Variants in VPS53 observed in about 807,000 individuals in gnomAD.
VPS53 encodes VPS53 subunit of GARP complex.
In VPS53, 70 loss-of-function variants were observed where a neutral mutation model predicts 107.0. The observed-to-expected ratio is 0.65, with a 90% CI of 0.54 to 0.80. VPS53 has a LOEUF of 0.80. VPS53 is among the 30% of genes least tolerant of loss of function. The probability of loss-of-function intolerance (pLI) is 0.00; values close to 1 mark genes in which losing one functional copy is unlikely to be tolerated. For missense variants in VPS53, 917 were observed against 1,049.4 expected (o/e 0.87, Z 1.74); for synonymous variants, 409 against 393.3 (o/e 1.04, Z -0.47).
At chr17:665,089 A>G (rs1971624567) in intron 4 of VPS53, among the ~76,000 whole-genome samples, 1 of 152,152 alleles carries the variant, frequency 6.6e-6, no homozygotes, top group Non-Finnish European at 1.5e-5. Flanking sequence ...TGGTGTTGGC[A>G]GGTGGGGCCT....
intron 13 of VPS53, 24 bp downstream of exon 13, chr17:586,246 A>T: frequency 6.2e-7 from 1 of 1,609,808 alleles, no homozygotes; most frequent in Non-Finnish European, 8.5e-7. Context: ...TGCAGGCAGA[A>T]AACAGCGAAT....
At chr17:598,534 G>C (rs1010335268) in intron 12 of VPS53, among the ~76,000 whole-genome samples, 1 of 151,010 alleles carries the variant, frequency 6.6e-6, no homozygotes, top group African/African-American at 2.4e-5. Context: ...CTTCCCGGCC[G>C]CCATCACATC....
chr17:695,789 T>C (rs983219111), intron 4 of VPS53, among the ~76,000 whole-genome samples: 3 of 152,176 alleles, frequency 2.0e-5, no homozygotes, highest in Non-Finnish European at 4.4e-5. Flanking sequence ...TAGGCTCAAG[T>C]GATCTCCCCG....
At chr17:608,597 C>G (rs529090447) in intron 11 of VPS53, among the ~76,000 whole-genome samples, 1 of 149,968 alleles carries the variant, frequency 6.7e-6, no homozygotes, top group East Asian at 1.9e-4. Flanking sequence ...ATAGCTATTT[C>G]TGCTTTTTTC....
chr17:624,738 C>T (rs1401341363), intron 10 of VPS53, among the ~76,000 whole-genome samples: 1 of 152,122 alleles, frequency 6.6e-6, no homozygotes, highest in Non-Finnish European at 1.5e-5. Context: ...AGCTGGTTTG[C>T]AAGTCTGCTG....
At chr17:652,281 C>A (rs1373401506) in intron 7 of VPS53, among the ~76,000 whole-genome samples, 2 of 152,192 alleles carry the variant, frequency 1.3e-5, no homozygotes, top group African/African-American at 4.8e-5. Context: ...AGGTGTGAGC[C>A]ACCATACCCG....
rs1417049861 is a variant in VPS53 at position 541,948 on chromosome 17, C to G, written c.1867-4772G>C. Among the ~76,000 whole-genome samples, 8 of 150,202 alleles carry G rather than the reference C, an allele frequency of 5.3e-5. No individual in the cohort carries two copies. The South Asian group carries it at 1.5e-3, about 28-fold the overall frequency. ...AGGAACGTTTATCAAGCACCTACTACGCACCAGGCGCTGAAGGAATGTTTA... is the reference window on the plus strand; with the variant it reads ...AGGAACGTTTATCAAGCACCTACTAGGCACCAGGCGCTGAAGGAATGTTTA... On this transcript the variant is annotated intron_variant, in intron 17 of 21. Transcript: ENST00000437048.
chr17:553,574 C>G, intron 15 of VPS53, 112 bp from the exon 16 acceptor site: 1 of 553,110 alleles, frequency 1.8e-6, no homozygotes, highest in Non-Finnish European at 3.0e-6. Flanking sequence ...ATTCCATACA[C>G]TTTTTTTTTT....
At chr17:564,789 G>C (rs1376429073) in intron 13 of VPS53, among the ~76,000 whole-genome samples, 4 of 152,070 alleles carry the variant, frequency 2.6e-5, no homozygotes, top group Admixed American at 6.6e-5. Flanking sequence ...GTGGGGATGA[G>C]AGTTGCAATT....
intron 12 of VPS53, among the ~76,000 whole-genome samples, chr17:589,989 T>C (rs1270717277): frequency 1.3e-5 from 2 of 152,182 alleles, no homozygotes; most frequent in African/African-American, 2.4e-5. Context: ...TTTCACGATA[T>C]TGATTCTTCC....
At chr17:574,483 G>C (rs1051740550) in intron 13 of VPS53, among the ~76,000 whole-genome samples, 8 of 152,150 alleles carry the variant, frequency 5.3e-5, no homozygotes, top group Non-Finnish European at 7.4e-5. Context: ...CCTGGGCCTT[G>C]GCTGGGCGCG....
intron 4 of VPS53, among the ~76,000 whole-genome samples, chr17:671,160 G>A (rs1971924241): frequency 6.6e-6 from 1 of 152,058 alleles, no homozygotes; most frequent in Admixed American, 6.6e-5. Flanking sequence ...GCACCTAGGA[G>A]GTGGAGGTTG....
At chr17:639,577 G>A (rs531858309) in intron 7 of VPS53, among the ~76,000 whole-genome samples, 251 of 152,260 alleles carry the variant, frequency 1.6e-3, no homozygotes, top group Non-Finnish European at 2.6e-3. Context: ...TGATGGTGAC[G>A]TACAGATGGG....
intron 11 of VPS53, among the ~76,000 whole-genome samples, chr17:623,034 C>T (rs1969538390): frequency 6.6e-6 from 1 of 152,062 alleles, no homozygotes; most frequent in African/African-American, 2.4e-5. Context: ...TGGTCTTTGA[C>T]TACACAGAGA....
At chr17:629,822 CA>C (rs1567689890) in intron 8 of VPS53, among the ~76,000 whole-genome samples, 2 of 133,590 alleles carry the variant, frequency 1.5e-5, no homozygotes, top group Non-Finnish European at 3.3e-5. Flanking sequence ...CACACACACA[CA>C]CACACACACA....
chr17:610,028 G>A (rs1247391211), intron 11 of VPS53, among the ~76,000 whole-genome samples: 1 of 151,978 alleles, frequency 6.6e-6, no homozygotes, highest in African/African-American at 2.4e-5. Context: ...GCTACGCGGA[G>A]GCTGAGGCAG....
chr17:558,674 G>A (rs574333929), intron 15 of VPS53, among the ~76,000 whole-genome samples: 2 of 150,276 alleles, frequency 1.3e-5, no homozygotes, highest in South Asian at 2.1e-4. Context: ...ACAACGATCA[G>A]GGATGCTTGC....
At chr17:634,388 T>C (rs1255312485) in intron 7 of VPS53, among the ~76,000 whole-genome samples, 1 of 152,220 alleles carries the variant, frequency 6.6e-6, no homozygotes, top group African/African-American at 2.4e-5. Context: ...AATTATTATG[T>C]ACACCTTATT....
Position 628,874 on chromosome 17 carries a change from C to T in VPS53, c.688-643G>A, listed in dbSNP as rs148071409. Among the ~76,000 whole-genome samples, 9 of 152,328 alleles carry T rather than the reference C, an allele frequency of 5.9e-5. No individual in the cohort carries two copies. In the East Asian group the frequency reaches 7.7e-4, roughly 13 times the overall value. ...GGAAAGATACCAGGCGCTGTACTGACGCATCACGACGGGAAGGTCTTTGTT... is the reference window on the plus strand; with the variant it reads ...GGAAAGATACCAGGCGCTGTACTGATGCATCACGACGGGAAGGTCTTTGTT... On this transcript the variant is annotated intron_variant, in intron 8 of 21. Coordinates refer to ENST00000437048, the MANE Select transcript of VPS53 (RefSeq NM_001128159.3).
Sources: gnomAD v4.1 joint callset for allele counts (sites outside exome capture counted in the v4.1 genomes callset) on GRCh38, gnomAD v4.1.1 for gene constraint, MANE v1.5 for transcripts, NCBI Gene and HGNC (gene_info 2026-07-23, HGNC 2026-07-21) for gene names.